The following ABLIM2 variants were observed in gnomAD, a reference collection of about 807,000 sequenced individuals.
The protein encoded by ABLIM2 is actin binding LIM protein family member 2.
In ABLIM2, 53 loss-of-function variants were observed where a neutral mutation model predicts 97.7. The ratio of observed to expected loss-of-function variants is 0.54; its 90% CI spans 0.44 to 0.68. The LOEUF (loss-of-function observed/expected upper bound fraction) is 0.68, where lower values mean the gene tolerates loss of function less well. Among genes scored for constraint, ABLIM2 ranks in the 30% least tolerant of loss-of-function variants. The pLI is 0.00. For synonymous variants in ABLIM2, 361 were observed against 345.8 expected (o/e 1.04, Z -0.49); for missense variants, 835 against 867.2 (o/e 0.96, Z 0.47).
chr4:8,060,206 C>T (rs1027828499), intron 7 of ABLIM2, among the ~76,000 whole-genome samples: 9 of 152,108 alleles, frequency 5.9e-5, no homozygotes, highest in South Asian at 2.1e-4. Context: ...AGCCGAATGC[C>T]GCCATCAGAA....
At chr4:8,080,917 G>T in intron 4 of ABLIM2, 115 bp from the exon 5 acceptor site, 1 of 1,332,796 alleles carries the variant, frequency 7.5e-7, no homozygotes, top group Non-Finnish European at 1.0e-6. Flanking sequence ...GGGCGGGACA[G>T]ACCAGCAGCC....
rs1442797467 is a variant in ABLIM2, at chr4:8,043,802, C to T, written c.900+1362G>A. Among the ~76,000 whole-genome samples the T allele has an allele frequency of 5.9e-5, 9 of 152,222 alleles. No individual in the cohort carries two copies. The highest frequency in any genetic ancestry group is 1.9e-4 in the East Asian group (1 of 5,198). ...TTCCCACAGCCTTCTTCTGGGCAGG[C>T]GCTGTGCTCACTGCCACCCAGGCAG... On this transcript the variant is annotated intron_variant, in intron 9 of 20. Coordinates refer to ENST00000447017, the MANE Select transcript of ABLIM2 (RefSeq NM_001130083.2). The surrounding 1 kb of genome is among the most constrained non-coding windows in gnomAD (Gnocchi z 4.8).
At chr4:7,977,580 G>A (rs1025444881) in intron 20 of ABLIM2, among the ~76,000 whole-genome samples, 5 of 151,944 alleles carry the variant, frequency 3.3e-5, no homozygotes, top group East Asian at 3.9e-4. Flanking sequence ...ACCAGAGGTC[G>A]GGAGTTTGAG....
chr4:8,096,839 A>T (rs751795595), intron 3 of ABLIM2, among the ~76,000 whole-genome samples: 2 of 152,172 alleles, frequency 1.3e-5, no homozygotes, highest in Non-Finnish European at 2.9e-5. Flanking sequence ...CGCAGCCAGC[A>T]CTTGCTGCAT....
At chr4:7,981,791 G>A (rs886072542) in intron 20 of ABLIM2, among the ~76,000 whole-genome samples, 1 of 152,172 alleles carries the variant, frequency 6.6e-6, no homozygotes, top group African/African-American at 2.4e-5. Flanking sequence ...TTGGTCAAAT[G>A]GAATCAATAT....
chr4:7,974,406 T>TCCGTCTATCCACCCAC (rs1731090653), intron 20 of ABLIM2, among the ~76,000 whole-genome samples: 1 of 134,006 alleles, frequency 7.5e-6, no homozygotes, highest in Middle Eastern at 4.2e-3. Flanking sequence ...CATCCACCCA[T>TCCGTCTATCCACCCAC]CCATCCACCA....
At chr4:8,133,242 C>A (rs1469137747) in intron 1 of ABLIM2, among the ~76,000 whole-genome samples, 1 of 152,230 alleles carries the variant, frequency 6.6e-6, no homozygotes, top group Non-Finnish European at 1.5e-5. Flanking sequence ...CCCGCAATGA[C>A]CCTACCACCA....
chr4:8,049,833 TTC>T (rs1794848094), intron 8 of ABLIM2, among the ~76,000 whole-genome samples: 1 of 152,194 alleles, frequency 6.6e-6, no homozygotes, highest in Admixed American at 6.5e-5. Context: ...TCTCAAGCGA[TTC>T]TCGTGCCTCA....
intron 6 of ABLIM2, among the ~76,000 whole-genome samples, chr4:8,062,336 C>G (rs1009135099): frequency 1.2e-4 from 18 of 152,234 alleles, no homozygotes; most frequent in African/African-American, 4.3e-4. Flanking sequence ...AGGGATCTCT[C>G]TGGATAGCAG....
At position 8,113,364 on chromosome 4, in the gene ABLIM2, G is replaced by A. The variant is rs943713020; in HGVS notation, c.11-6727C>T. On this transcript the variant is annotated intron_variant, in intron 1 of 20. Coordinates refer to ENST00000447017, the MANE Select transcript of ABLIM2 (RefSeq NM_001130083.2). The surrounding 1 kb of genome is among the most constrained non-coding windows in gnomAD (Gnocchi z 4.5). Reference sequence around the variant, plus strand: ...CCCATGTCAGCCTCCCAAAGTGCTGGGATTACAGGCATGAGCCACCGTGCC... The same window carrying A: ...CCCATGTCAGCCTCCCAAAGTGCTGAGATTACAGGCATGAGCCACCGTGCC... Among the ~76,000 whole-genome samples the A allele has an allele frequency of 6.6e-6, 1 of 152,120 alleles. No homozygotes were observed. The highest frequency in any genetic ancestry group is 1.5e-5 in the Non-Finnish European group (1 of 68,030).
intron 20 of ABLIM2, among the ~76,000 whole-genome samples, chr4:7,971,856 C>T (rs1227493897): frequency 6.6e-6 from 1 of 152,186 alleles, no homozygotes; most frequent in East Asian, 1.9e-4. Flanking sequence ...CCCCTCTGTA[C>T]CAGCACAGGG....
At position 8,112,843 on chromosome 4, in the gene ABLIM2, C is replaced by T. The variant is rs1841027604; in HGVS notation, c.11-6206G>A. On this transcript the variant is annotated intron_variant, in intron 1 of 20. Transcript: ENST00000447017. This position sits in a 1 kb window ranked among gnomAD's most constrained non-coding sequence, Gnocchi z 4.2. ...AGCTCAGGTGTGTCCGAGGCTCCTC[C>T]TCCCACCCCTTCCATCACCTGCTGG... 6.6e-6 allele frequency among the ~76,000 whole-genome samples: 1 copy of T among 152,208 alleles called. No homozygotes were observed. Among genetic ancestry groups the T allele is most frequent in the South Asian group, 2.1e-4 (1 of 4,826 alleles).
intron 1 of ABLIM2, among the ~76,000 whole-genome samples, chr4:8,110,318 G>A (rs973812512): frequency 7.2e-5 from 11 of 152,216 alleles, no homozygotes; most frequent in African/African-American, 2.7e-4. Context: ...CAGCCTGAGG[G>A]AAGTGTCAGC....
At position 8,032,657 on chromosome 4, in the gene ABLIM2, C is replaced by T. The variant is rs748659152; in HGVS notation, c.1048-2881G>A. On this transcript the variant is annotated intron_variant, in intron 10 of 20. Transcript: ENST00000447017. This position sits in a 1 kb window ranked among gnomAD's most constrained non-coding sequence, Gnocchi z 4.3. ...AGAGGGTGGTGGTTACCTCGGTCGG[C>T]GTTGGCGAGAGCAACTGAGGGGACT... The T allele has an allele frequency of 3.6e-5, 58 of 1,612,354 alleles. No homozygotes were observed. The highest frequency in any genetic ancestry group is 3.3e-4 in the Middle Eastern group (2 of 6,080).
At position 8,072,186 on chromosome 4, in the gene ABLIM2, G is replaced by A. The variant is rs1812684743; in HGVS notation, c.675+5442C>T. ...GGAGGAAAAAACCCAGACCTGTTTT[G>A]CTCCTGTTCCTCGAATTAGGATGGT... On this transcript the variant is annotated intron_variant, in intron 6 of 20. Transcript: ENST00000447017. This position sits in a 1 kb window ranked among gnomAD's most constrained non-coding sequence, Gnocchi z 5.8. Among the ~76,000 whole-genome samples, 1 of 152,206 alleles carries A rather than the reference G, an allele frequency of 6.6e-6. No homozygotes were observed. The highest frequency in any genetic ancestry group is 1.5e-5 in the Non-Finnish European group (1 of 68,030).
At position 7,996,428 on chromosome 4, in the gene ABLIM2, G is replaced by A. The variant is rs938920052; in HGVS notation, c.1619-3501C>T. On this transcript the variant is annotated intron_variant, in intron 16 of 20. Coordinates refer to ENST00000447017, the MANE Select transcript of ABLIM2 (RefSeq NM_001130083.2). The surrounding 1 kb of genome is among the most constrained non-coding windows in gnomAD (Gnocchi z 4.5). ...CCCAGTGCCCAGGCTGCCGCCGACC[G>A]GTCTCAACTTTTAACCACTTCACAT... is the stretch of plus-strand genomic sequence containing the variant. Among the ~76,000 whole-genome samples, 1 of 152,158 alleles carries A rather than the reference G, an allele frequency of 6.6e-6. No individual in the cohort carries two copies. Among genetic ancestry groups the A allele is most frequent in the Non-Finnish European group, 1.5e-5 (1 of 68,022 alleles).
intron 6 of ABLIM2, among the ~76,000 whole-genome samples, chr4:8,062,675 G>A (rs1292713645): frequency 8.5e-5 from 13 of 152,106 alleles, no homozygotes; most frequent in African/African-American, 2.9e-4. Flanking sequence ...TCCTGACCTC[G>A]TGATCCGCCC....
intron 1 of ABLIM2, among the ~76,000 whole-genome samples, chr4:8,152,450 GCCCAGGGC>G (rs2152959789): frequency 6.6e-6 from 1 of 152,336 alleles, no homozygotes; most frequent in Admixed American, 6.5e-5. Flanking sequence ...CGAGCATCTG[GCCCAGGGC>G]CCCAGGGCGG....
chr4:8,133,609 C>G (rs1849746626), intron 1 of ABLIM2, among the ~76,000 whole-genome samples: 1 of 152,194 alleles, frequency 6.6e-6, no homozygotes, highest in South Asian at 2.1e-4. Context: ...AGATCCCAGC[C>G]CGGCTGGAGC....
Sources: allele counts gnomAD v4.1 joint callset (sites outside exome capture counted in the v4.1 genomes callset), GRCh38; gene constraint gnomAD v4.1.1; non-coding constraint Gnocchi (gnomAD v3.1); transcripts MANE v1.5; gene names NCBI Gene and HGNC (gene_info 2026-07-23, HGNC 2026-07-21).